Variants in KIRREL3 observed in about 807,000 individuals in gnomAD.
KIRREL3 encodes kirre like nephrin family adhesion molecule 3, also known as kin of IRRE-like protein 3.
In KIRREL3, 36 loss-of-function variants were observed where a neutral mutation model predicts 89.7. That is an observed-to-expected ratio of 0.40 (90% CI 0.31 to 0.53). The LOEUF (loss-of-function observed/expected upper bound fraction) is 0.53. KIRREL3 is among the 20% of genes least tolerant of loss of function. The pLI is 0.49. For synonymous variants in KIRREL3, 445 were observed against 441.4 expected (o/e 1.01, Z -0.10); for missense variants, 864 against 1,056.6 (o/e 0.82, Z 2.53).
intron 1 of KIRREL3, among the ~76,000 whole-genome samples, chr11:126,803,142 C>T (rs1951092736): frequency 6.6e-6 from 1 of 152,174 alleles, no homozygotes; most frequent in South Asian, 2.1e-4. Context: ...AGGGGTCCAG[C>T]CCTAACTGAT....
rs1945280237 is a variant in KIRREL3 at position 126,876,254 on chromosome 11, G to A, written c.55+124201C>T. 6.6e-6 allele frequency among the ~76,000 whole-genome samples: 1 copy of A among 152,216 alleles called. No individual in the cohort carries two copies. The highest frequency in any genetic ancestry group is 6.5e-5 in the Admixed American group (1 of 15,280). On this transcript the variant is annotated intron_variant, in intron 1 of 16. Coordinates refer to ENST00000525144, the MANE Select transcript of KIRREL3 (RefSeq NM_032531.4). This position sits in a 1 kb window ranked among gnomAD's most constrained non-coding sequence, Gnocchi z 4.1. The stretch of plus-strand genomic sequence containing the variant: ...CAAGATTTGCTGCGGCTGACCTGCA[G>A]AGGTGCTGTTCAGGAAGAAACAGAT...
chr11:126,857,909 A>T (rs781729681), intron 1 of KIRREL3, among the ~76,000 whole-genome samples: 6 of 152,102 alleles, frequency 3.9e-5, no homozygotes, highest in Admixed American at 2.6e-4. Flanking sequence ...CTCTGTATAC[A>T]CACACCTTGG....
At chr11:126,899,533 A>G (rs1458558987) in intron 1 of KIRREL3, among the ~76,000 whole-genome samples, 5 of 152,206 alleles carry the variant, frequency 3.3e-5, no homozygotes, top group African/African-American at 4.8e-5. Context: ...CCTTCCATCT[A>G]ACCAATTTGA....
At chr11:126,889,315 A>T (rs144005362) in intron 1 of KIRREL3, among the ~76,000 whole-genome samples, 4 of 152,212 alleles carry the variant, frequency 2.6e-5, no homozygotes, top group African/African-American at 4.8e-5. Flanking sequence ...ATATAAATAA[A>T]ATCACATAAT....
At chr11:126,942,088 G>A (rs1948467194) in intron 1 of KIRREL3, among the ~76,000 whole-genome samples, 1 of 152,164 alleles carries the variant, frequency 6.6e-6, no homozygotes, top group Non-Finnish European at 1.5e-5. Context: ...CCAAAGAAAG[G>A]TGGGGGCAGG....
At chr11:126,899,350 T>C (rs1428999134) in intron 1 of KIRREL3, among the ~76,000 whole-genome samples, 1 of 152,170 alleles carries the variant, frequency 6.6e-6, no homozygotes, top group Non-Finnish European at 1.5e-5. Context: ...TCATTTGCAC[T>C]TGTAAAATGT....
intron 1 of KIRREL3, among the ~76,000 whole-genome samples, chr11:126,693,040 A>C (rs7128945): frequency 0.88 from 134,702 of 152,268 alleles, 59,800 homozygotes; most frequent in East Asian, 1. Context: ...CCCTTGGAAA[A>C]CAGACATGTG....
At chr11:126,959,272 C>A (rs982618296) in intron 1 of KIRREL3, among the ~76,000 whole-genome samples, 3 of 152,218 alleles carry the variant, frequency 2.0e-5, no homozygotes, top group Non-Finnish European at 2.9e-5. Flanking sequence ...TCTTTCTCAT[C>A]TATCTGTGTA....
At chr11:126,928,557 G>C (rs1211554669) in intron 1 of KIRREL3, among the ~76,000 whole-genome samples, 1 of 152,184 alleles carries the variant, frequency 6.6e-6, no homozygotes, top group Non-Finnish European at 1.5e-5. Context: ...GCTGAAGCCT[G>C]GGACCCCGAC....
Position 126,804,870 on chromosome 11 carries a change from A to G in KIRREL3, c.55+195585T>C, listed in dbSNP as rs1196791505. ...ATTTCCTTAGGTTTTCAAAGGCACC[A>G]CTGATACAAAAAAGGTCAAGACTCA... is the stretch of plus-strand genomic sequence containing the variant. On this transcript the variant is annotated intron_variant, in intron 1 of 16. Transcript: ENST00000525144. 2.0e-5 allele frequency among the ~76,000 whole-genome samples: 3 copies of G among 152,198 alleles called. No individual in the cohort carries two copies. In the East Asian group the frequency reaches 5.8e-4, roughly 29 times the overall value.
At chr11:126,826,689 G>A (rs973349519) in intron 1 of KIRREL3, among the ~76,000 whole-genome samples, 3 of 152,176 alleles carry the variant, frequency 2.0e-5, no homozygotes, top group Non-Finnish European at 4.4e-5. Flanking sequence ...AAAGTTCTGT[G>A]TTCTGGTCTG....
In KIRREL3 at chr11:126,940,208, A is replaced by T. The variant is rs1004114447; in HGVS notation, c.55+60247T>A. On this transcript the variant is annotated intron_variant, in intron 1 of 16. Transcript: ENST00000525144. This position sits in a 1 kb window ranked among gnomAD's most constrained non-coding sequence, Gnocchi z 4.6. ...TCAAAGGATTGTCAAACGTGCAACA[A>T]ATCAGTGTTCTCTCATCAAAAGCAT... Among the ~76,000 whole-genome samples the T allele has an allele frequency of 6.6e-6, 1 of 152,238 alleles. No homozygotes were observed. Among genetic ancestry groups the T allele is most frequent in the African/African-American group, 2.4e-5 (1 of 41,464 alleles).
At position 126,977,567 on chromosome 11, in the gene KIRREL3, T is replaced by C. The variant is rs138962201; in HGVS notation, c.55+22888A>G. 6.6e-6 allele frequency among the ~76,000 whole-genome samples: 1 copy of C among 152,360 alleles called. No homozygotes were observed. Among genetic ancestry groups the C allele is most frequent in the East Asian group, 1.9e-4 (1 of 5,188 alleles). ...CATTCCTGTATTCTTTCAACAAGCA[T>C]TTATTGAATGCCTACTATGCACCTG... is the stretch of plus-strand genomic sequence containing the variant. On this transcript the variant is annotated intron_variant, in intron 1 of 16. Transcript: ENST00000525144. This position sits in a 1 kb window ranked among gnomAD's most constrained non-coding sequence, Gnocchi z 4.7.
chr11:126,440,766 G>C, intron 10 of KIRREL3: 1 of 606,106 alleles, frequency 1.6e-6, no homozygotes, highest in Non-Finnish European at 3.0e-6. Flanking sequence ...ATGCTTCTAA[G>C]TCAGAACCCC....
intron 1 of KIRREL3, among the ~76,000 whole-genome samples, chr11:126,902,000 C>G (rs1355119367): frequency 6.6e-6 from 1 of 152,184 alleles, no homozygotes; most frequent in East Asian, 1.9e-4. Context: ...TGGGCCCTGC[C>G]TCTCCACTCT....
chr11:126,691,331 G>A (rs1358805390), intron 1 of KIRREL3, among the ~76,000 whole-genome samples: 1 of 152,232 alleles, frequency 6.6e-6, no homozygotes, highest in Non-Finnish European at 1.5e-5. Context: ...AGACATGTAT[G>A]AGAACGGTCA....
intron 1 of KIRREL3, among the ~76,000 whole-genome samples, chr11:126,942,924 G>A (rs1784327): frequency 0.89 from 135,311 of 152,216 alleles, 60,312 homozygotes; most frequent in Middle Eastern, 0.95. Context: ...TCTGTTGCAA[G>A]GCTCGGCTCG....
chr11:126,799,372 G>GCGTGTGTGTATTCA (rs1950938877), intron 1 of KIRREL3, among the ~76,000 whole-genome samples: 1 of 13,368 alleles, frequency 7.5e-5, no homozygotes, highest in Non-Finnish European at 1.6e-4. Flanking sequence ...CTGTGTATCT[G>GCGTGTGTGTATTCA]TGTGTGCATG....
In KIRREL3 at chr11:126,462,251, C is replaced by T. The variant is rs544886200; in HGVS notation, c.742+906G>A. ...GGCAGGAGTGTGGAGAGGATGTTAC[C>T]AGGGTGGACTCTGGAAATCTATGCT... On this transcript the variant is annotated intron_variant, in intron 6 of 16. Coordinates refer to ENST00000525144, the MANE Select transcript of KIRREL3 (RefSeq NM_032531.4). The surrounding 1 kb of genome is among the most constrained non-coding windows in gnomAD (Gnocchi z 4.8). Among the ~76,000 whole-genome samples the T allele has an allele frequency of 1.3e-5, 2 of 152,172 alleles. No homozygotes were observed. The highest frequency in any genetic ancestry group is 3.9e-4 in the East Asian group (2 of 5,176).
Sources: gnomAD v4.1 joint callset for allele counts (sites outside exome capture counted in the v4.1 genomes callset) on GRCh38, gnomAD v4.1.1 for gene constraint, Gnocchi (gnomAD v3.1) non-coding constraint, MANE v1.5 for transcripts, NCBI Gene and HGNC (gene_info 2026-07-23, HGNC 2026-07-21) for gene names.